Variants in KIF16B observed in about 807,000 individuals in gnomAD.
The protein encoded by KIF16B is kinesin-like protein KIF16B.
In KIF16B, 98 loss-of-function variants were observed where a neutral mutation model predicts 156.3. The observed-to-expected ratio is 0.63, with a 90% CI of 0.53 to 0.74. The LOEUF is 0.74. Among genes scored for constraint, KIF16B ranks in the 30% least tolerant of loss-of-function variants. The pLI, the probability that KIF16B is intolerant of heterozygous loss-of-function variation, is 0.00. For synonymous variants in KIF16B, 564 were observed against 583.7 expected, an observed-to-expected ratio of 0.97 and a Z score of 0.49; for missense variants, 1,421 against 1,606.5, an observed-to-expected ratio of 0.88 and a Z score of 1.97.
intron 12 of KIF16B, among the ~76,000 whole-genome samples, chr20:16,481,499 A>G (rs556489555): frequency 4.3e-4 from 65 of 152,250 alleles, no homozygotes; most frequent in African/African-American, 1.5e-3. Context: ...CCAAAAGTCA[A>G]CTTCTGAGGT....
chr20:16,313,774 A>G (rs2063656601), intron 24 of KIF16B, among the ~76,000 whole-genome samples: 1 of 152,158 alleles, frequency 6.6e-6, no homozygotes, highest in African/African-American at 2.4e-5. Flanking sequence ...TAGTTTGCTC[A>G]TTTTCACTGC....
In KIF16B at chr20:16,489,808, T is replaced by G. The variant is rs73597773; in HGVS notation, c.1302+4483A>C. On this transcript the variant is annotated intron_variant, in intron 12 of 25. Transcript: ENST00000354981. ...AGGTCTGGAGCTGGGCTTGAGGGCC[T>G]GCGTTTCTAACCAGCTCCCCGGTGA... Among the ~76,000 whole-genome samples, 598 of 152,100 alleles carry G rather than the reference T, an allele frequency of 3.9e-3. 5 individuals carry two copies. Among genetic ancestry groups the G allele is most frequent in the East Asian group, 0.022 (115 of 5,152 alleles).
chr20:16,298,440 T>G (rs1340165559), intron 25 of KIF16B, among the ~76,000 whole-genome samples: 1 of 152,250 alleles, frequency 6.6e-6, no homozygotes, highest in African/African-American at 2.4e-5. Flanking sequence ...TGGCTTAGAC[T>G]TGGAAGGATG....
intron 12 of KIF16B, among the ~76,000 whole-genome samples, chr20:16,486,596 C>T (rs536276782): frequency 4.6e-5 from 7 of 152,140 alleles, no homozygotes; most frequent in African/African-American, 7.2e-5. Context: ...TATACGGACT[C>T]GATTTTTACA....
At chr20:16,372,736 C>T (rs1359379621) in intron 20 of KIF16B, among the ~76,000 whole-genome samples, 1 of 152,224 alleles carries the variant, frequency 6.6e-6, no homozygotes, top group Non-Finnish European at 1.5e-5. Flanking sequence ...TCGCTCTTGT[C>T]TCTCAGCCTG....
intron 17 of KIF16B, among the ~76,000 whole-genome samples, chr20:16,402,963 T>A (rs2065691566): frequency 6.6e-6 from 1 of 152,174 alleles, no homozygotes; most frequent in Admixed American, 6.5e-5. Context: ...AAAGAAAGAC[T>A]TCCATCTCAC....
chr20:16,570,322 C>G (rs1422692565), intron 1 of KIF16B, among the ~76,000 whole-genome samples: 1 of 151,904 alleles, frequency 6.6e-6, no homozygotes. Flanking sequence ...TATAGATTTC[C>G]AATTTTTTAA....
intron 25 of KIF16B, among the ~76,000 whole-genome samples, chr20:16,280,841 C>CGCGTGTGT (rs112026824): frequency 0.014 from 1,020 of 74,452 alleles, 10 homozygotes; most frequent in African/African-American, 0.046. Flanking sequence ...TGCGCGCGCA[C>CGCGTGTGT]GTGTGTGTGT....
In KIF16B at chr20:16,560,989, T is replaced by TA. The variant is rs1356168414; in HGVS notation, c.47+12239dup. On this transcript the variant is annotated intron_variant, in intron 1 of 25. Transcript: ENST00000354981. ...TTAGTGAGTAACAATCATCTTTTTT[T>TA]AAAAAAATATAATAGAGAGGCCGGG... Among the ~76,000 whole-genome samples, 6 of 152,008 alleles carry TA rather than the reference T, an allele frequency of 3.9e-5. No individual in the cohort carries two copies. In the East Asian group the frequency reaches 5.8e-4, roughly 15 times the overall value.
At position 16,309,018 on chromosome 20, in the gene KIF16B, C is replaced by T. The variant is rs953511456; in HGVS notation, c.3795+3317G>A. ...GTTGTTAGCAGAAGCCTCTGACTGA[C>T]TGAGGGCAGAGTCTGCCCACAACAT... On this transcript the variant is annotated intron_variant, in intron 25 of 25. Transcript: ENST00000354981. Among the ~76,000 whole-genome samples, 8 of 152,214 alleles carry T rather than the reference C, an allele frequency of 5.3e-5. No individual in the cohort carries two copies. The South Asian group carries it at 6.2e-4, about 12-fold the overall frequency.
intron 10 of KIF16B, 31 bp from the exon 11 acceptor site, chr20:16,497,709 A>G (rs1192145872): frequency 1.4e-6 from 2 of 1,423,718 alleles, no homozygotes; most frequent in East Asian, 2.3e-5. Flanking sequence ...GAAATCAGCA[A>G]TTAATAAACA....
intron 6 of KIF16B, among the ~76,000 whole-genome samples, chr20:16,510,169 T>C (rs2068911959): frequency 1.3e-5 from 2 of 152,222 alleles, no homozygotes; most frequent in Non-Finnish European, 2.9e-5. Context: ...TTTGCTATTC[T>C]ATCTCTTCAT....
intron 24 of KIF16B, among the ~76,000 whole-genome samples, chr20:16,331,927 T>A (rs2063955266): frequency 6.6e-6 from 1 of 152,128 alleles, no homozygotes; most frequent in African/African-American, 2.4e-5. Context: ...TGATCTCAAG[T>A]CTCAACAAAT....
chr20:16,473,349 T>C (rs751107961), intron 12 of KIF16B, among the ~76,000 whole-genome samples: 3 of 152,202 alleles, frequency 2.0e-5, no homozygotes, highest in Non-Finnish European at 4.4e-5. Flanking sequence ...TTTCTTTTTC[T>C]CTCCCTTTAC....
chr20:16,484,997 C>T (rs931425654), intron 12 of KIF16B, among the ~76,000 whole-genome samples: 1 of 152,200 alleles, frequency 6.6e-6, no homozygotes, highest in Non-Finnish European at 1.5e-5. Flanking sequence ...TTCCCCACTC[C>T]TACACTGTGG....
intron 1 of KIF16B, among the ~76,000 whole-genome samples, chr20:16,534,192 T>C (rs1307379710): frequency 6.6e-6 from 1 of 152,010 alleles, no homozygotes; most frequent in African/African-American, 2.4e-5. Flanking sequence ...GGGACAGAGG[T>C]TGCAGTGAGC....
intron 25 of KIF16B, among the ~76,000 whole-genome samples, chr20:16,280,841 C>CGTGTGTGTGT (rs1555833614): frequency 4.9e-3 from 362 of 74,462 alleles, no homozygotes; most frequent in African/African-American, 0.017. Context: ...TGCGCGCGCA[C>CGTGTGTGTGT]GTGTGTGTGT....
At chr20:16,527,915 T>A (rs2069607310) in intron 2 of KIF16B, among the ~76,000 whole-genome samples, 3 of 152,058 alleles carry the variant, frequency 2.0e-5, no homozygotes, top group Admixed American at 2.0e-4. Context: ...AGAAATTTGG[T>A]GGTTTTTTTT....
intron 24 of KIF16B, among the ~76,000 whole-genome samples, chr20:16,319,457 A>T (rs1453979628): frequency 6.6e-6 from 1 of 152,180 alleles, no homozygotes; most frequent in Admixed American, 6.5e-5. Flanking sequence ...ACAAGAAAAA[A>T]GCTGAAAAAT....
Sources: allele counts gnomAD v4.1 joint callset (sites outside exome capture counted in the v4.1 genomes callset), GRCh38; gene constraint gnomAD v4.1.1; transcripts MANE v1.5; gene names NCBI Gene and HGNC (gene_info 2026-07-23, HGNC 2026-07-21).